The following ST3GAL2 variants were observed in gnomAD, a reference collection of about 807,000 sequenced individuals.
ST3GAL2 encodes CMP-N-acetylneuraminate-beta-galactosamide-alpha-2,3-sialyltransferase 2.
A neutral mutation model predicts 37.5 loss-of-function variants in ST3GAL2; 16 were observed. The ratio of observed to expected loss-of-function variants is 0.43; its 90% CI spans 0.29 to 0.65. The LOEUF is 0.65. ST3GAL2 is among the 30% of genes least tolerant of loss of function. The pLI is 0.17. For missense variants in ST3GAL2, 383 were observed against 487.8 expected, an observed-to-expected ratio of 0.79 and a Z score of 2.02; for synonymous variants, 238 against 202.9, an observed-to-expected ratio of 1.17 and a Z score of -1.47.
At chr16:70,413,560 C>CAAAAAAAAAA (rs978301918) in intron 1 of ST3GAL2, among the ~76,000 whole-genome samples, 3 of 32,088 alleles carry the variant, frequency 9.3e-5, no homozygotes, top group African/African-American at 1.7e-4. Context: ...ATCAAAAATA[C>CAAAAAAAAAA]AAAAAAAAAA....
rs1001767064 is a variant in ST3GAL2, at chr16:70,399,538, A to G, written c.-1003-5T>C. 5.0e-6 allele frequency: 2 copies of G among 397,722 alleles called. No homozygotes were observed. Among genetic ancestry groups the G allele is most frequent in the African/African-American group, 2.1e-5 (1 of 48,616 alleles). The allele number at this position is 397,722 out of a possible 1,614,324, so 24.6% of individuals were successfully genotyped here. A position where few individuals can be genotyped will look rare whatever the true frequency, so the allele number is the denominator to read the frequency against. ...CCAGGCTGCCGCAGCACGACCCTAG[A>G]ATGGCAGAGAGGAGAAATAATGTGC... On this transcript the variant is annotated splice_region_variant and splice_polypyrimidine_tract_variant and intron_variant, in intron 1 of 6. Transcript: ENST00000342907.
At chr16:70,397,014 A>G (rs1472528510) in intron 2 of ST3GAL2, among the ~76,000 whole-genome samples, 14 of 150,038 alleles carry the variant, frequency 9.3e-5, no homozygotes, top group African/African-American at 3.4e-4. Flanking sequence ...AAATAGATTA[A>G]GTAGTCCCTG....
chr16:70,429,537 C>A (rs915306841), intron 1 of ST3GAL2, among the ~76,000 whole-genome samples: 3 of 136,038 alleles, frequency 2.2e-5, no homozygotes, highest in East Asian at 2.2e-4. Flanking sequence ...TGCAGTGAGC[C>A]GAGATCGCGC....
At chr16:70,382,373 C>T (rs925362219) in intron 6 of ST3GAL2, among the ~76,000 whole-genome samples, 2 of 152,122 alleles carry the variant, frequency 1.3e-5, no homozygotes, top group African/African-American at 4.8e-5. Flanking sequence ...ACCTACGCCT[C>T]CTGGGTTCAA....
intron 2 of ST3GAL2, among the ~76,000 whole-genome samples, chr16:70,396,365 T>C (rs140324082): frequency 6.7e-6 from 1 of 149,064 alleles, no homozygotes; most frequent in African/African-American, 2.5e-5. Flanking sequence ...CATAACTTGA[T>C]GGGTTTGTGG....
chr16:70,383,649 A>AGGAAAAGAAG (rs775674218), intron 4 of ST3GAL2, among the ~76,000 whole-genome samples: 2 of 151,218 alleles, frequency 1.3e-5, no homozygotes, highest in Non-Finnish European at 2.9e-5. Flanking sequence ...GAAAGGAGAA[A>AGGAAAAGAAG]GGAAAGGAGA....
rs759796521 is a variant in ST3GAL2 at position 70,393,385 on chromosome 16, A to C, written c.533+1597T>G. On this transcript the variant is annotated intron_variant, in intron 3 of 6. Transcript: ENST00000342907. Reference sequence around the variant, plus strand: ...GAGCCACAGCATGTGCAGCCTTATAAATTTCTTTCTGCAGCCCCACCTGAC... The same window carrying C: ...GAGCCACAGCATGTGCAGCCTTATACATTTCTTTCTGCAGCCCCACCTGAC... Among the ~76,000 whole-genome samples the C allele has an allele frequency of 2.1e-4, 32 of 152,154 alleles. 1 individual carries two copies. The Middle Eastern group carries it at 0.017, about 81-fold the overall frequency.
At chr16:70,438,461 G>A (rs74658410) in intron 1 of ST3GAL2, among the ~76,000 whole-genome samples, 6,074 of 152,258 alleles carry the variant, frequency 0.04, 322 homozygotes, top group East Asian at 0.24. Flanking sequence ...AGGATGGTTA[G>A]GGGGCAGTGC....
Position 70,427,816 on chromosome 16 carries a change from ACAAC to A in ST3GAL2, c.-1004+11129_-1004+11132del, listed in dbSNP as rs2047762077. On this transcript the variant is annotated intron_variant, in intron 1 of 6. Coordinates refer to ENST00000342907, the MANE Select transcript of ST3GAL2 (RefSeq NM_006927.4). ...CTCAGATCTATTTCTCGCTCTGTCT[ACAAC>A]CATCACTCCATCCAAGGAAATGTCA... 3.9e-5 allele frequency among the ~76,000 whole-genome samples: 6 copies of A among 152,158 alleles called. No homozygotes were observed. In the South Asian group the frequency reaches 1.2e-3, roughly 32 times the overall value.
intron 4 of ST3GAL2, among the ~76,000 whole-genome samples, chr16:70,385,643 G>A (rs904642259): frequency 6.6e-6 from 1 of 151,550 alleles, no homozygotes; most frequent in Non-Finnish European, 1.5e-5. Flanking sequence ...TTAGGGATCC[G>A]GGGGTATCTT....
rs545954565 is a variant in ST3GAL2, at chr16:70,398,885, C to G, written c.-355G>C. Reference sequence around the variant, plus strand: ...CCCTTGGGATTGCTGGCTGCCAGCTCTAGGGGTCCCCCTCTTTGGCGGCTT... The same window carrying G: ...CCCTTGGGATTGCTGGCTGCCAGCTGTAGGGGTCCCCCTCTTTGGCGGCTT... On this transcript the variant is annotated 5_prime_UTR_variant, in exon 2 of 7. It removes the in-frame stop codon of an upstream open reading frame in the 5' UTR. Coordinates refer to ENST00000342907, the MANE Select transcript of ST3GAL2 (RefSeq NM_006927.4). The G allele has an allele frequency of 4.2e-6, 2 of 472,436 alleles. No homozygotes were observed. The highest frequency in any genetic ancestry group is 7.4e-5 in the Admixed American group (2 of 26,956). The allele number at this position is 472,436 out of a possible 1,614,324, so 29.3% of individuals were successfully genotyped here.
At chr16:70,419,607 T>C (rs1239466836) in intron 1 of ST3GAL2, among the ~76,000 whole-genome samples, 1 of 152,170 alleles carries the variant, frequency 6.6e-6, no homozygotes, top group Non-Finnish European at 1.5e-5. Context: ...CTGAGAATGC[T>C]GTGAGAGCTT....
At chr16:70,419,800 C>T (rs902972718) in intron 1 of ST3GAL2, among the ~76,000 whole-genome samples, 1 of 152,194 alleles carries the variant, frequency 6.6e-6, no homozygotes, top group African/African-American at 2.4e-5. Flanking sequence ...CCTCCTCCAC[C>T]GGGCTGGTAT....
At chr16:70,424,601 C>CA (rs2047738223) in intron 1 of ST3GAL2, among the ~76,000 whole-genome samples, 2 of 151,500 alleles carry the variant, frequency 1.3e-5, no homozygotes, top group Non-Finnish European at 2.9e-5. Context: ...AACTCTGTCT[C>CA]AAAAAAATTA....
rs903911824 is a variant in ST3GAL2 at position 70,376,785 on chromosome 16, C to T, written c.*4904G>A. 6.6e-6 allele frequency: 1 copy of T among 151,604 alleles called. No homozygotes were observed. Among genetic ancestry groups the T allele is most frequent in the Non-Finnish European group, 1.5e-5 (1 of 67,988 alleles). The allele number at this position is 151,604 out of a possible 1,614,324, so 9.4% of individuals were successfully genotyped here. Reference sequence around the variant, plus strand: ...TGAGACGGAGTCTTACTCTGTCGCTCAGGCTGGAGTGCAGTGGCTCAATCT... The same window carrying T: ...TGAGACGGAGTCTTACTCTGTCGCTTAGGCTGGAGTGCAGTGGCTCAATCT... On this transcript the variant is annotated 3_prime_UTR_variant, in exon 7 of 7. Transcript: ENST00000342907.
At chr16:70,389,242 A>AAAAAAAAAAAAAAAAAAAAC (rs2047465564) in intron 3 of ST3GAL2, among the ~76,000 whole-genome samples, 1 of 136,336 alleles carries the variant, frequency 7.3e-6, no homozygotes, top group Non-Finnish European at 1.6e-5. Flanking sequence ...AAAAAAAAAA[A>AAAAAAAAAAAAAAAAAAAAC]AAGGTTACTA....
chr16:70,389,173 A>C (rs1206552492), intron 3 of ST3GAL2, among the ~76,000 whole-genome samples: 1 of 121,848 alleles, frequency 8.2e-6, no homozygotes, highest in African/African-American at 3.1e-5. Flanking sequence ...AGGTCAGGAG[A>C]TCGAGACCAC....
chr16:70,394,341 GC>G (rs1414917094), intron 3 of ST3GAL2, among the ~76,000 whole-genome samples: 43 of 152,190 alleles, frequency 2.8e-4, no homozygotes, highest in African/African-American at 1.0e-3. Context: ...TCCTTGCCCA[GC>G]TGCTGAGGGG....
intron 1 of ST3GAL2, among the ~76,000 whole-genome samples, chr16:70,414,830 G>A (rs775541568): frequency 2.0e-5 from 3 of 150,966 alleles, no homozygotes; most frequent in African/African-American, 4.9e-5. Flanking sequence ...CTGCCACCAC[G>A]CCCAGATAAT....
Sources: allele counts gnomAD v4.1 joint callset (sites outside exome capture counted in the v4.1 genomes callset), GRCh38; gene constraint gnomAD v4.1.1; transcripts MANE v1.5; gene names NCBI Gene and HGNC (gene_info 2026-07-23, HGNC 2026-07-21).